BST1: variants seen among roughly 807,000 people sequenced by gnomAD.
The protein encoded by BST1 is bone marrow stromal cell antigen 1.
BST1 carries 49 observed loss-of-function variants against 40.6 expected under a neutral mutation model. That is an observed-to-expected ratio of 1.21 (90% CI 0.96 to 1.53). BST1 has a LOEUF of 1.53. BST1 is among the 40% of genes most tolerant of loss of function. The pLI is 0.00. For missense variants in BST1, 423 were observed against 395.9 expected (o/e 1.07, Z -0.58); for synonymous variants, 157 against 159.3 (o/e 0.99, Z 0.11).
chr4:15,774,019 G>A, the BST1 span, among the ~76,000 whole-genome samples: 1 of 152,022 alleles, frequency 6.6e-6, no homozygotes, highest in South Asian at 2.1e-4. Flanking sequence ...TTGAAGATAG[G>A]GTAATAGCTT....
Position 15,705,611 on chromosome 4 carries a change from C to T in BST1, c.285C>T (p.Asn95=). ...VLPSDYDLFI[N]LSRHSIPRDK... ...CCTCAGACTATGACCTTTTTATTAA[C>T]TTGTCCAGGCACTCTATTCCCAGAG... Residue 95 remains asparagine (N), a synonymous_variant, in exon 2 of 9, where the codon AAC becomes AAT. Transcript: ENST00000265016. 1.2e-6 allele frequency: 2 copies of T among 1,614,076 alleles called. No individual in the cohort carries two copies. Among genetic ancestry groups the T allele is most frequent in the South Asian group, 1.1e-5 (1 of 91,080 alleles).
chr4:15,760,798 C>G, the BST1 span, among the ~76,000 whole-genome samples: 1 of 151,194 alleles, frequency 6.6e-6, no homozygotes, highest in African/African-American at 2.4e-5. Context: ...AGGTGATCCT[C>G]CTACTTCAGC....
the BST1 span, among the ~76,000 whole-genome samples, chr4:15,768,589 GT>G: frequency 6.6e-6 from 1 of 150,960 alleles, no homozygotes; most frequent in Non-Finnish European, 1.5e-5. Flanking sequence ...CGCTTCCCGG[GT>G]TCACGCCATT....
downstream of BST1, among the ~76,000 whole-genome samples, chr4:15,741,689 A>G (rs1721748140): frequency 6.6e-6 from 1 of 152,208 alleles, no homozygotes; most frequent in African/African-American, 2.4e-5. Context: ...TGAAAACTAC[A>G]TGAAGCTCAA....
Position 15,711,876 on chromosome 4 carries a change from G to A in BST1, c.521G>A (p.Arg174Lys). 2 of 1,613,752 alleles carry A rather than the reference G, an allele frequency of 1.2e-6. No homozygotes were observed. The highest frequency in any genetic ancestry group is 1.7e-6 in the Non-Finnish European group (2 of 1,179,696). ...AATCCTGTGGATTCCTTTTGGAAAA[G>A]GGCATCCATCCAGGTAATGCTGGGA... ...ENNPVDSFWK[R>K]ASIQYSKDSS... Residue 174 changes from arginine (R) to lysine (K), a missense_variant, in exon 4 of 9, where the codon AGG becomes AAG. Coordinates refer to ENST00000265016, the MANE Select transcript of BST1 (RefSeq NM_004334.3).
At chr4:15,766,354 A>T in the BST1 span, among the ~76,000 whole-genome samples, 1 of 151,910 alleles carries the variant, frequency 6.6e-6, no homozygotes, top group African/African-American at 2.4e-5. Flanking sequence ...AGAGCTGAAA[A>T]GTCACCAGAT....
At chr4:15,719,516 T>TA (rs201169464) in intron 7 of BST1, among the ~76,000 whole-genome samples, 51 of 151,430 alleles carry the variant, frequency 3.4e-4, no homozygotes, top group Admixed American at 3.0e-3. Context: ...ATTTTTTTTT[T>TA]AAAAAACTTG....
chr4:15,720,553 G>C (rs1577584155), intron 7 of BST1, among the ~76,000 whole-genome samples: 2 of 150,596 alleles, frequency 1.3e-5, no homozygotes, highest in African/African-American at 4.9e-5. Context: ...AGGTTCCAGT[G>C]AGCCAGGGTG....
intron 8 of BST1, among the ~76,000 whole-genome samples, chr4:15,724,646 A>G (rs1336584594): frequency 6.6e-6 from 1 of 152,198 alleles, no homozygotes; most frequent in Non-Finnish European, 1.5e-5. Flanking sequence ...AGATTGCACC[A>G]GTGCACTCCA....
At chr4:15,756,402 G>A in the BST1 span, among the ~76,000 whole-genome samples, 10,635 of 152,250 alleles carry the variant, frequency 0.07, 542 homozygotes, top group East Asian at 0.16. Context: ...TTAAAGATGT[G>A]CATGCCAATG....
At chr4:15,720,685 G>A (rs1297912811) in intron 7 of BST1, among the ~76,000 whole-genome samples, 2 of 152,036 alleles carry the variant, frequency 1.3e-5, no homozygotes, top group Admixed American at 1.3e-4. Flanking sequence ...CAGCTATTTG[G>A]GAGGCTGAGG....
chr4:15,720,823 C>T (rs1411519806), intron 7 of BST1, among the ~76,000 whole-genome samples: 2 of 151,958 alleles, frequency 1.3e-5, no homozygotes, highest in African/African-American at 4.8e-5. Flanking sequence ...TAGCCATCGC[C>T]CCCTCAAAAA....
chr4:15,750,205 A>G, the BST1 span, among the ~76,000 whole-genome samples: 2 of 152,078 alleles, frequency 1.3e-5, no homozygotes, highest in Admixed American at 6.5e-5. Context: ...TTGTATTTTT[A>G]GTAGAGATTT....
chr4:15,715,603 T>C (rs4301112), intron 5 of BST1, 104 bp from the exon 6 acceptor site: 98,612 of 937,988 alleles, frequency 0.11, 7,966 homozygotes, highest in African/African-American at 0.37. Context: ...GAAGAAAAAC[T>C]TCTAAAAGCT....
chr4:15,728,218 G>T (rs1721208320), intron 8 of BST1, among the ~76,000 whole-genome samples: 1 of 152,050 alleles, frequency 6.6e-6, no homozygotes. Flanking sequence ...ACTTGTTTAG[G>T]AATAGTGGGG....
chr4:15,763,375 A>AT, the BST1 span, among the ~76,000 whole-genome samples: 1 of 151,772 alleles, frequency 6.6e-6, no homozygotes, highest in South Asian at 2.1e-4. Flanking sequence ...TGTATATATA[A>AT]TACACCAAAA....
chr4:15,713,594 G>A (rs567619018), intron 4 of BST1, among the ~76,000 whole-genome samples: 2 of 152,314 alleles, frequency 1.3e-5, no homozygotes, highest in East Asian at 3.9e-4. Context: ...CAGGATTATG[G>A]AACTGACAAG....
intron 8 of BST1, chr4:15,731,263 C>T (rs1345624667): frequency 1.0e-5 from 5 of 494,314 alleles, no homozygotes; most frequent in Non-Finnish European, 1.8e-5. Flanking sequence ...GCCGAGGATT[C>T]GTGGGATCTG....
chr4:15,768,143 G>A, the BST1 span, among the ~76,000 whole-genome samples: 1 of 152,164 alleles, frequency 6.6e-6, no homozygotes, highest in Non-Finnish European at 1.5e-5. Flanking sequence ...AGTGTGTTAG[G>A]CAATCTGGAC....
Sources: gnomAD v4.1 joint callset for allele counts (sites outside exome capture counted in the v4.1 genomes callset) on GRCh38, gnomAD v4.1.1 for gene constraint, MANE v1.5 for transcripts, NCBI Gene and HGNC (gene_info 2026-07-23, HGNC 2026-07-21) for gene names.